ZDHHC20: variants seen among roughly 807,000 people sequenced by gnomAD.
ZDHHC20 encodes the protein palmitoyltransferase ZDHHC20.
A neutral mutation model predicts 57.8 loss-of-function variants in ZDHHC20; 43 were observed. The ratio of observed to expected loss-of-function variants is 0.74; its 90% CI spans 0.58 to 0.96. The LOEUF is 0.96. ZDHHC20 is among the 40% of genes least tolerant of loss of function. The pLI is 0.00. For missense variants in ZDHHC20, 391 were observed against 441.1 expected, an observed-to-expected ratio of 0.89 and a Z score of 1.02; for synonymous variants, 157 against 153.0, an observed-to-expected ratio of 1.03 and a Z score of -0.19.
rs61630790 is a variant in ZDHHC20 at position 21,411,534 on chromosome 13, T to C, written c.370+2118A>G. Among the ~76,000 whole-genome samples, 79 of 152,274 alleles carry C rather than the reference T, an allele frequency of 5.2e-4. No individual in the cohort carries two copies. The East Asian group carries it at 0.013, about 25-fold the overall frequency. On this transcript the variant is annotated intron_variant, in intron 4 of 12. Coordinates refer to ENST00000400590, the MANE Select transcript of ZDHHC20 (RefSeq NM_001330059.2). Reference sequence around the variant, plus strand: ...TTGTATGGCTAAGCGAGTGGTAACATCAGGAATGAGTATCTTCTTTTCTCT... The same window carrying C: ...TTGTATGGCTAAGCGAGTGGTAACACCAGGAATGAGTATCTTCTTTTCTCT...
Position 21,409,532 on chromosome 13 carries a change from T to G in ZDHHC20, c.370+4120A>C, listed in dbSNP as rs188526419. On this transcript the variant is annotated intron_variant, in intron 4 of 12. Transcript: ENST00000400590. Reference sequence around the variant, plus strand: ...TTTATTAGTCTGGCTAGTGGTCTATTTTGTTAATCTTTTTTAAAAGAGTCC... The same window carrying G: ...TTTATTAGTCTGGCTAGTGGTCTATGTTGTTAATCTTTTTTAAAAGAGTCC... Among the ~76,000 whole-genome samples, 9 of 152,300 alleles carry G rather than the reference T, an allele frequency of 5.9e-5. No homozygotes were observed. In the East Asian group the frequency reaches 1.5e-3, roughly 26 times the overall value.
intron 7 of ZDHHC20, 126 bp downstream of exon 7, chr13:21,400,247 G>T: frequency 2.2e-6 from 2 of 896,440 alleles, no homozygotes; most frequent in Non-Finnish European, 3.2e-6. Context: ...TCCTCTGATG[G>T]ATTTATAAAA....
At chr13:21,418,695 A>T (rs2137893692) in intron 3 of ZDHHC20, among the ~76,000 whole-genome samples, 1 of 142,752 alleles carries the variant, frequency 7.0e-6, no homozygotes, top group East Asian at 1.9e-4. Context: ...GTTGTCTGAG[A>T]CAGGGTCTCA....
At chr13:21,425,207 G>A (rs1881113865) in intron 2 of ZDHHC20, among the ~76,000 whole-genome samples, 1 of 151,900 alleles carries the variant, frequency 6.6e-6, no homozygotes, top group Non-Finnish European at 1.5e-5. Context: ...TTTACAGTCT[G>A]GTTATTTTCT....
At chr13:21,388,490 T>C (rs1458346195) in intron 8 of ZDHHC20, among the ~76,000 whole-genome samples, 1 of 151,658 alleles carries the variant, frequency 6.6e-6, no homozygotes, top group Admixed American at 6.6e-5. Context: ...AAGGTGAGAG[T>C]GATGGGTGTG....
intron 1 of ZDHHC20, among the ~76,000 whole-genome samples, chr13:21,454,933 G>A (rs917057652): frequency 2.6e-5 from 4 of 151,954 alleles, no homozygotes; most frequent in Non-Finnish European, 5.9e-5. Context: ...TTGTTGGTTC[G>A]TTTTTGAGAC....
chr13:21,417,241 A>G (rs983516221), intron 3 of ZDHHC20, among the ~76,000 whole-genome samples: 1 of 151,486 alleles, frequency 6.6e-6, no homozygotes, highest in African/African-American at 2.4e-5. Context: ...CTACTCTATC[A>G]TATTACCATG....
chr13:21,405,309 T>C (rs1350424956), intron 4 of ZDHHC20, among the ~76,000 whole-genome samples: 1 of 152,182 alleles, frequency 6.6e-6, no homozygotes, highest in South Asian at 2.1e-4. Flanking sequence ...ACAGAGGCAA[T>C]AAAATACATA....
At chr13:21,413,899 A>ACTT (rs200743145) in intron 3 of ZDHHC20, 127 bp from the exon 4 acceptor site, 160,116 of 740,750 alleles carry the variant, frequency 0.22, 19,472 homozygotes, top group Non-Finnish European at 0.25. Flanking sequence ...TTGTCTTCAA[A>ACTT]AAAAAGCAGA....
At chr13:21,415,683 A>C (rs1329015347) in intron 3 of ZDHHC20, among the ~76,000 whole-genome samples, 4 of 152,198 alleles carry the variant, frequency 2.6e-5, no homozygotes, top group Non-Finnish European at 5.9e-5. Context: ...ACTTGTTAGA[A>C]AGTTATTTCC....
intron 1 of ZDHHC20, among the ~76,000 whole-genome samples, chr13:21,447,362 G>A (rs372408085): frequency 1.3e-5 from 2 of 149,994 alleles, no homozygotes; most frequent in Non-Finnish European, 3.0e-5. Context: ...GGACTGTACC[G>A]CTGCCATCTC....
intron 12 of ZDHHC20, among the ~76,000 whole-genome samples, chr13:21,377,493 G>T (rs200745615): frequency 1.2e-3 from 73 of 61,612 alleles, no homozygotes; most frequent in African/African-American, 4.6e-3. Context: ...GACTCTGCCC[G>T]ACGTGACCTC....
chr13:21,401,529 A>T, intron 6 of ZDHHC20, 124 bp downstream of exon 6: 1 of 770,358 alleles, frequency 1.3e-6, no homozygotes, highest in Non-Finnish European at 2.1e-6. Flanking sequence ...ATCTATGCAT[A>T]TATGTAAAGA....
In ZDHHC20 at chr13:21,375,105, G is replaced by GC; in HGVS notation, c.*1590dup. On this transcript the variant is annotated 3_prime_UTR_variant, in exon 13 of 13. Coordinates refer to ENST00000400590, the MANE Select transcript of ZDHHC20 (RefSeq NM_001330059.2). ...GCCAAGATCCCGCCACTGCACTCCT[G>GC]CCTGGGAGACAGAGCAAAACTCTGT... 1 of 455,874 alleles carries GC rather than the reference G, an allele frequency of 2.2e-6. No individual in the cohort carries two copies. The highest frequency in any genetic ancestry group is 4.4e-6 in the Non-Finnish European group (1 of 226,754). The allele number at this position is 455,874 out of a possible 1,614,324, so 28.2% of individuals were successfully genotyped here.
intron 7 of ZDHHC20, among the ~76,000 whole-genome samples, chr13:21,394,638 T>A (rs1176517019): frequency 1.3e-5 from 2 of 152,242 alleles, no homozygotes; most frequent in Non-Finnish European, 2.9e-5. Context: ...AGTTATTCAT[T>A]CTTTAATAAA....
chr13:21,434,325 G>T (rs978476043), intron 1 of ZDHHC20, among the ~76,000 whole-genome samples: 1 of 139,990 alleles, frequency 7.1e-6, no homozygotes, highest in East Asian at 1.9e-4. Flanking sequence ...CAATAATCTC[G>T]AGATAATGAC....
intron 1 of ZDHHC20, among the ~76,000 whole-genome samples, chr13:21,428,103 T>G (rs1479744196): frequency 6.6e-6 from 1 of 152,168 alleles, no homozygotes. Flanking sequence ...TAATATTTGC[T>G]AATGGCACCT....
At chr13:21,404,892 CAG>C (rs1878234637) in intron 4 of ZDHHC20, among the ~76,000 whole-genome samples, 1 of 151,956 alleles carries the variant, frequency 6.6e-6, no homozygotes, top group South Asian at 2.1e-4. Context: ...ATATATATAA[CAG>C]GGAAACAGAG....
chr13:21,383,240 G>A (rs1487002816), intron 9 of ZDHHC20, among the ~76,000 whole-genome samples: 3 of 152,144 alleles, frequency 2.0e-5, no homozygotes, highest in African/African-American at 7.2e-5. Context: ...TCAAGGGAGG[G>A]ACCCAGTGGG....
Sources: gnomAD v4.1 joint callset for allele counts (sites outside exome capture counted in the v4.1 genomes callset) on GRCh38, gnomAD v4.1.1 for gene constraint, MANE v1.5 for transcripts, NCBI Gene and HGNC (gene_info 2026-07-23, HGNC 2026-07-21) for gene names.